The following BRAF variants were observed in gnomAD, a reference collection of about 807,000 sequenced individuals.
BRAF encodes serine/threonine-protein kinase B-raf.
A neutral mutation model predicts 104.6 loss-of-function variants in BRAF; 16 were observed. The observed-to-expected ratio is 0.15, with a 90% CI of 0.10 to 0.23. The LOEUF is 0.23. BRAF is among the 10% of genes least tolerant of loss of function. The probability of loss-of-function intolerance (pLI) is 1.00; values close to 1 mark genes in which losing one functional copy is unlikely to be tolerated. For missense variants in BRAF, 541 were observed against 937.3 expected (o/e 0.58, Z 5.52); for synonymous variants, 310 against 341.6 (o/e 0.91, Z 1.02).
At chr7:140,777,713 T>C (rs1463614175) in intron 13 of BRAF, among the ~76,000 whole-genome samples, 1 of 152,166 alleles carries the variant, frequency 6.6e-6, no homozygotes, top group East Asian at 1.9e-4. Flanking sequence ...AACTGGAGAG[T>C]ATTCTTTTCA....
rs373024976 is a variant in BRAF at position 140,749,243 on chromosome 7, T to C, written c.2112+44A>G. On this transcript the variant is annotated intron_variant, in intron 17 of 19. Coordinates refer to ENST00000644969, the MANE Select transcript of BRAF (RefSeq NM_001374258.1). ...CTTATTTTCTACAACTGGAGCCTTG[T>C]ATATAGACGGTAAAATAAACACCAA... is the stretch of plus-strand genomic sequence containing the variant. The C allele has an allele frequency of 1.9e-6, 3 of 1,608,534 alleles. No individual in the cohort carries two copies. The African/African-American group carries it at 4.0e-5, about 22-fold the overall frequency.
intron 1 of BRAF, among the ~76,000 whole-genome samples, chr7:140,909,771 C>A (rs1816756789): frequency 6.6e-6 from 1 of 151,990 alleles, no homozygotes; most frequent in South Asian, 2.1e-4. Context: ...GGTGCCACTG[C>A]ATTTCAGCCT....
intron 1 of BRAF, among the ~76,000 whole-genome samples, chr7:140,920,708 T>G (rs1351295948): frequency 6.6e-6 from 1 of 152,194 alleles, no homozygotes; most frequent in Non-Finnish European, 1.5e-5. Flanking sequence ...ATAAAATGAC[T>G]GACAGATAAT....
At chr7:140,750,822 T>C (rs1404094907) in intron 16 of BRAF, among the ~76,000 whole-genome samples, 1 of 152,204 alleles carries the variant, frequency 6.6e-6, no homozygotes, top group Non-Finnish European at 1.5e-5. Flanking sequence ...TCTCACACTG[T>C]TGTTGGTAGA....
At position 140,725,379 on chromosome 7, in the gene BRAF, T is replaced by C. The variant is rs769861403; in HGVS notation, c.*1115A>G. The C allele has an allele frequency of 1.3e-4, 128 of 969,842 alleles. No homozygotes were observed. Among genetic ancestry groups the C allele is most frequent in the Non-Finnish European group, 1.5e-4 (122 of 799,640 alleles). The allele number at this position is 969,842 out of a possible 1,614,324, so 60.1% of individuals were successfully genotyped here. ...TGATCTTTCTTAAAAGTTGTTTATA[T>C]AACAAAAATACAATTTTCAGGATAT... On this transcript the variant is annotated 3_prime_UTR_variant, in exon 20 of 20. Transcript: ENST00000644969.
At chr7:140,802,767 C>T (rs962951530) in intron 5 of BRAF, among the ~76,000 whole-genome samples, 5 of 151,732 alleles carry the variant, frequency 3.3e-5, no homozygotes, top group Non-Finnish European at 5.9e-5. Flanking sequence ...AAAAATTAAA[C>T]CTTAGTTTAA....
chr7:140,808,702 G>A lies in BRAF; in HGVS notation c.608+190C>T, dbSNP rs562086767. ...TTTGATCAAAGTAACAAACCCTACAGTCATATACAATTATTTAACTCCTCA... is the reference window on the plus strand; with the variant it reads ...TTTGATCAAAGTAACAAACCCTACAATCATATACAATTATTTAACTCCTCA... On this transcript the variant is annotated intron_variant, in intron 4 of 19. Coordinates refer to ENST00000644969, the MANE Select transcript of BRAF (RefSeq NM_001374258.1). Among the ~76,000 whole-genome samples the A allele has an allele frequency of 2.6e-5, 4 of 152,144 alleles. No individual in the cohort carries two copies. In the East Asian group the frequency reaches 5.8e-4, roughly 22 times the overall value.
Position 140,721,642 on chromosome 7 carries a change from C to G in BRAF, c.*4852G>C. On this transcript the variant is annotated 3_prime_UTR_variant, in exon 20 of 20. Transcript: ENST00000644969. The stretch of plus-strand genomic sequence containing the variant: ...CACCTGAGGCAGAGATGCTACTACC[C>G]TCTTCTGGGGCTCAACTACCGATGG... 2 of 1,535,656 alleles carry G rather than the reference C, an allele frequency of 1.3e-6. No individual in the cohort carries two copies. The highest frequency in any genetic ancestry group is 1.7e-4 in the Middle Eastern group (1 of 5,992).
At chr7:140,918,842 T>A (rs1018109005) in intron 1 of BRAF, among the ~76,000 whole-genome samples, 2 of 152,214 alleles carry the variant, frequency 1.3e-5, no homozygotes, top group Admixed American at 1.3e-4. Context: ...TTAGTGCAAT[T>A]TGGAATTTTT....
At chr7:140,865,687 T>C (rs1159523774) in intron 1 of BRAF, among the ~76,000 whole-genome samples, 1 of 152,178 alleles carries the variant, frequency 6.6e-6, no homozygotes, top group African/African-American at 2.4e-5. Context: ...AGTGTCTACA[T>C]AGATAGAACC....
rs1196182256 is a variant in BRAF at position 140,924,683 on chromosome 7, G to A, written c.21C>T (p.Gly7=). 2 of 1,156,300 alleles carry A rather than the reference G, an allele frequency of 1.7e-6. No homozygotes were observed. The highest frequency in any genetic ancestry group is 2.7e-5 in the South Asian group (2 of 74,900). The allele number at this position is 1,156,300 out of a possible 1,614,324, so 71.6% of individuals were successfully genotyped here. Residue 7 remains glycine, a synonymous_variant, in exon 1 of 20, where the codon GGC becomes GGT. Coordinates refer to ENST00000644969, the MANE Select transcript of BRAF (RefSeq NM_001374258.1). This position sits in a 1 kb window ranked among gnomAD's most constrained non-coding sequence, Gnocchi z 4.2. MAALSG[G]GGGGAEPGQA... The stretch of plus-strand genomic sequence containing the variant: ...GGCCCGGCTCCGCGCCGCCACCACC[G>A]CCACCGCTCAGCGCCGCCATCTTAT...
chr7:140,806,243 C>T (rs1803645257), intron 5 of BRAF, among the ~76,000 whole-genome samples: 1 of 152,182 alleles, frequency 6.6e-6, no homozygotes, highest in South Asian at 2.1e-4. Flanking sequence ...CTCTGAGAAA[C>T]CTTCCTAACT....
chr7:140,885,100 C>T (rs1813408794), intron 1 of BRAF, among the ~76,000 whole-genome samples: 1 of 152,124 alleles, frequency 6.6e-6, no homozygotes, highest in African/African-American at 2.4e-5. Flanking sequence ...CTCCCAGGTT[C>T]AAGCGATTCT....
intron 1 of BRAF, among the ~76,000 whole-genome samples, chr7:140,903,961 G>C (rs538186637): frequency 3.3e-5 from 5 of 152,312 alleles, no homozygotes; most frequent in African/African-American, 1.2e-4. Context: ...TCTTATGGAT[G>C]AGTAAAAAAA....
At chr7:140,785,890 C>A (rs1267646) in intron 9 of BRAF, 1 of 397,244 alleles carries the variant, frequency 2.5e-6, no homozygotes, top group Non-Finnish European at 4.4e-6. Context: ...GGGGAATAAA[C>A]AAGATGAATT....
intron 5 of BRAF, among the ~76,000 whole-genome samples, chr7:140,802,783 ATTT>A (rs1246246536): frequency 6.6e-6 from 1 of 152,132 alleles, no homozygotes; most frequent in Non-Finnish European, 1.5e-5. Context: ...TTTAATGTAA[ATTT>A]TTTACTTTAT....
chr7:140,793,754 T>G (rs187297584), intron 8 of BRAF, among the ~76,000 whole-genome samples: 104 of 152,106 alleles, frequency 6.8e-4, no homozygotes, highest in African/African-American at 2.1e-3. Context: ...CCCTCCAGAG[T>G]AGCTGGGACT....
intron 8 of BRAF, among the ~76,000 whole-genome samples, 156 bp downstream of exon 8, chr7:140,794,152 A>G (rs1802283346): frequency 6.6e-6 from 1 of 152,250 alleles, no homozygotes; most frequent in Non-Finnish European, 1.5e-5. Context: ...AGAAACCAGA[A>G]GCTTTTCTGA....
At chr7:140,801,358 G>A (rs1159277600) in intron 6 of BRAF, 54 bp downstream of exon 6, 1 of 1,594,000 alleles carries the variant, frequency 6.3e-7, no homozygotes, top group African/African-American at 1.3e-5. Context: ...TTCACATTAA[G>A]AAAATTTAAG....
Sources: allele counts gnomAD v4.1 joint callset (sites outside exome capture counted in the v4.1 genomes callset), GRCh38; gene constraint gnomAD v4.1.1; non-coding constraint Gnocchi (gnomAD v3.1); transcripts MANE v1.5; gene names NCBI Gene and HGNC (gene_info 2026-07-23, HGNC 2026-07-21).